NRG3: variants seen among roughly 807,000 people sequenced by gnomAD.
NRG3 encodes the protein pro-neuregulin-3, membrane-bound isoform.
In NRG3, 31 loss-of-function variants were observed where a neutral mutation model predicts 66.9. That is an observed-to-expected ratio of 0.46 (90% CI 0.35 to 0.63). NRG3 has a LOEUF of 0.63. Among genes scored for constraint, NRG3 ranks in the 20% least tolerant of loss-of-function variants. The pLI, the probability that NRG3 is intolerant of heterozygous loss-of-function variation, is 0.00. For synonymous variants in NRG3, 393 were observed against 359.4 expected, an observed-to-expected ratio of 1.09 and a Z score of -1.06; for missense variants, 910 against 878.9, an observed-to-expected ratio of 1.04 and a Z score of -0.45.
chr10:82,806,859 A>G (rs2061309545), intron 3 of NRG3, among the ~76,000 whole-genome samples: 1 of 152,162 alleles, frequency 6.6e-6, no homozygotes, highest in African/African-American at 2.4e-5. Flanking sequence ...GACATCAGAT[A>G]GGCACCATCT....
intron 3 of NRG3, among the ~76,000 whole-genome samples, chr10:82,802,427 G>T (rs555837926): frequency 6.6e-6 from 1 of 152,130 alleles, no homozygotes; most frequent in African/African-American, 2.4e-5. Context: ...GATCAAGGGG[G>T]TCAAATTGGT....
intron 2 of NRG3, among the ~76,000 whole-genome samples, chr10:82,720,837 A>G (rs1565238392): frequency 1.9e-5 from 2 of 105,762 alleles, no homozygotes; most frequent in African/African-American, 4.1e-5. Context: ...ATATATATAT[A>G]TATATCACCC....
chr10:82,229,916 AG>A (rs1164851488), intron 1 of NRG3, among the ~76,000 whole-genome samples: 5 of 152,230 alleles, frequency 3.3e-5, no homozygotes, highest in Non-Finnish European at 7.3e-5. Flanking sequence ...GCATGTGAAC[AG>A]TGAAAAAATG....
chr10:82,932,219 A>G (rs1334169143), intron 4 of NRG3, among the ~76,000 whole-genome samples: 1 of 152,122 alleles, frequency 6.6e-6, no homozygotes, highest in Non-Finnish European at 1.5e-5. Context: ...ATTCCGTAGG[A>G]CAGCCTTCTT....
Position 82,939,293 on chromosome 10 carries a change from G to A in NRG3, c.1055-12176G>A, listed in dbSNP as rs140018819. Among the ~76,000 whole-genome samples, 4 of 152,222 alleles carry A rather than the reference G, an allele frequency of 2.6e-5. No individual in the cohort carries two copies. The East Asian group carries it at 7.7e-4, about 29-fold the overall frequency. ...AAAATGACAGGCTGAGAATACAGAT[G>A]TTTATGAATTTAAACTGTTATTTAC... is the stretch of plus-strand genomic sequence containing the variant. On this transcript the variant is annotated intron_variant, in intron 4 of 8. Transcript: ENST00000372141.
chr10:82,222,417 C>G (rs2075982640), intron 1 of NRG3, among the ~76,000 whole-genome samples: 1 of 151,986 alleles, frequency 6.6e-6, no homozygotes, highest in Non-Finnish European at 1.5e-5. Context: ...GACAAGTATT[C>G]CATATGGGAC....
intron 1 of NRG3, among the ~76,000 whole-genome samples, chr10:82,219,119 A>T (rs193073789): frequency 1.8e-4 from 28 of 151,902 alleles, no homozygotes; most frequent in Admixed American, 1.6e-3. Context: ...ATAATATTTC[A>T]TCTTTAGCCA....
At chr10:82,922,688 A>G (rs986473341) in intron 4 of NRG3, among the ~76,000 whole-genome samples, 1 of 152,180 alleles carries the variant, frequency 6.6e-6, no homozygotes, top group Non-Finnish European at 1.5e-5. Flanking sequence ...TTGAACAGAT[A>G]TTGAGGAGCA....
At chr10:82,194,068 C>T (rs1470149647) in intron 1 of NRG3, among the ~76,000 whole-genome samples, 2 of 152,116 alleles carry the variant, frequency 1.3e-5, no homozygotes, top group Non-Finnish European at 2.9e-5. Flanking sequence ...AGAACCTTTA[C>T]CAAGAAGAGA....
intron 4 of NRG3, among the ~76,000 whole-genome samples, chr10:82,888,400 C>T (rs956225336): frequency 1.3e-5 from 2 of 152,158 alleles, no homozygotes; most frequent in African/African-American, 4.8e-5. Context: ...TGTAAATGCT[C>T]ATATCCATTG....
intron 5 of NRG3, among the ~76,000 whole-genome samples, chr10:82,952,437 A>C: frequency 6.6e-6 from 1 of 150,394 alleles, no homozygotes; most frequent in African/African-American, 2.4e-5. Flanking sequence ...AAAAAAAAAA[A>C]AAAGTAGATA....
intron 1 of NRG3, among the ~76,000 whole-genome samples, chr10:82,311,749 T>A (rs941629951): frequency 2.0e-5 from 3 of 152,140 alleles, no homozygotes; most frequent in Admixed American, 1.3e-4. Flanking sequence ...GGTTTACTAT[T>A]GCCACCACTC....
chr10:82,554,496 G>T (rs2044521475), intron 2 of NRG3, among the ~76,000 whole-genome samples: 1 of 152,108 alleles, frequency 6.6e-6, no homozygotes, highest in South Asian at 2.1e-4. Context: ...TTTAAACTGG[G>T]ATAGAATCTC....
At chr10:82,185,048 A>G (rs1010399151) in intron 1 of NRG3, among the ~76,000 whole-genome samples, 5 of 152,126 alleles carry the variant, frequency 3.3e-5, no homozygotes, top group Admixed American at 6.5e-5. Context: ...ACCGTTTGGG[A>G]GAGATCAGTA....
intron 2 of NRG3, among the ~76,000 whole-genome samples, chr10:82,408,148 G>T (rs1010351200): frequency 4.5e-5 from 6 of 134,296 alleles, no homozygotes; most frequent in African/African-American, 1.7e-4. Context: ...AGAAAGAAAA[G>T]AAAAAGAAAA....
chr10:82,366,890 A>T (rs937758815), intron 2 of NRG3, among the ~76,000 whole-genome samples: 1 of 152,202 alleles, frequency 6.6e-6, no homozygotes, highest in Non-Finnish European at 1.5e-5. Context: ...TCTTAATGGC[A>T]TAAAATAAAA....
At position 82,094,284 on chromosome 10, in the gene NRG3, C is replaced by T. The variant is rs147981363; in HGVS notation, c.823+218121C>T. ...TCATCAGAGAAATGCAAATTAAAACCATCATGAGACACTGTCTTACAGCAT... is the reference window on the plus strand; with the variant it reads ...TCATCAGAGAAATGCAAATTAAAACTATCATGAGACACTGTCTTACAGCAT... On this transcript the variant is annotated intron_variant, in intron 1 of 8. Coordinates refer to ENST00000372141, the MANE Select transcript of NRG3 (RefSeq NM_001010848.4). Among the ~76,000 whole-genome samples, 114 of 152,128 alleles carry T rather than the reference C, an allele frequency of 7.5e-4. No individual in the cohort carries two copies. In the Middle Eastern group the frequency reaches 0.014, roughly 18 times the overall value.
At chr10:81,925,748 A>T (rs60583205) in intron 1 of NRG3, among the ~76,000 whole-genome samples, 1,362 of 51,798 alleles carry the variant, frequency 0.026, 3 homozygotes, top group South Asian at 0.082. Context: ...CTTTTTTTTT[A>T]AAAAAAAAAG....
At chr10:82,122,226 C>T (rs2068134976) in intron 1 of NRG3, among the ~76,000 whole-genome samples, 1 of 152,120 alleles carries the variant, frequency 6.6e-6, no homozygotes, top group African/African-American at 2.4e-5. Flanking sequence ...AACCTTGGTC[C>T]TCTGTGGTTC....
Sources: gnomAD v4.1 joint callset for allele counts (sites outside exome capture counted in the v4.1 genomes callset) on GRCh38, gnomAD v4.1.1 for gene constraint, MANE v1.5 for transcripts, NCBI Gene and HGNC (gene_info 2026-07-23, HGNC 2026-07-21) for gene names.